TXLNB: variants seen among roughly 807,000 people sequenced by gnomAD.
TXLNB encodes the protein beta-taxilin.
In TXLNB, 37 loss-of-function variants were observed where a neutral mutation model predicts 57.4. That is an observed-to-expected ratio of 0.64 (90% CI 0.50 to 0.85). TXLNB has a LOEUF of 0.85. Ranked by LOEUF, TXLNB falls within the 40% of genes least tolerant of loss-of-function variation. TXLNB has a pLI of 0.00. For missense variants in TXLNB, 848 were observed against 825.6 expected (o/e 1.03, Z -0.33); for synonymous variants, 302 against 309.6 (o/e 0.98, Z 0.26).
the TXLNB span, among the ~76,000 whole-genome samples, chr6:139,322,147 T>C: frequency 6.6e-6 from 1 of 152,262 alleles, no homozygotes; most frequent in Non-Finnish European, 1.5e-5. Context: ...TCACAGCCTA[T>C]TGACATCTCT....
At chr6:139,256,935 A>C (rs1336603136) in intron 6 of TXLNB, among the ~76,000 whole-genome samples, 1 of 152,220 alleles carries the variant, frequency 6.6e-6, no homozygotes, top group East Asian at 1.9e-4. Flanking sequence ...AGTTTGACCT[A>C]TTGGTCTAAA....
rs772213744 is a variant in TXLNB, at chr6:139,260,407, G to T, written c.913C>A (p.Leu305Met). ...HLDKIFKHRE[L>M]QQKLVDAKLE... ...TTTGCATCCACCAGCTTCTGCTGCA[G>T]TTCTCTGTGTTTAAATATTTTGTCC... Residue 305 changes from leucine to methionine, a missense_variant, in exon 6 of 10, where the codon CTG becomes ATG. Physicochemically the swap from Leu to Met is conservative, Grantham distance 15 (BLOSUM62 2). Coordinates refer to ENST00000358430, the MANE Select transcript of TXLNB (RefSeq NM_153235.4). 6.2e-7 allele frequency: 1 copy of T among 1,614,044 alleles called. No individual in the cohort carries two copies. The highest frequency in any genetic ancestry group is 8.5e-7 in the Non-Finnish European group (1 of 1,179,992).
the TXLNB span, among the ~76,000 whole-genome samples, chr6:139,206,583 G>T: frequency 1.3e-5 from 2 of 151,834 alleles, no homozygotes; most frequent in Non-Finnish European, 2.9e-5. Flanking sequence ...CAGGAGAATC[G>T]CTTCAACCCA....
At chr6:139,185,687 C>T in the TXLNB span, among the ~76,000 whole-genome samples, 5 of 152,098 alleles carry the variant, frequency 3.3e-5, no homozygotes, top group Admixed American at 1.3e-4. Context: ...GGCGACAGAG[C>T]GAGACTCTGT....
intron 7 of TXLNB, among the ~76,000 whole-genome samples, chr6:139,249,520 A>C (rs147808966): frequency 1.3e-5 from 2 of 152,186 alleles, no homozygotes; most frequent in African/African-American, 4.8e-5. Context: ...AGCTGGAAGG[A>C]AGGCACCGAC....
chr6:139,264,561 T>G (rs1258295167), intron 4 of TXLNB, among the ~76,000 whole-genome samples: 1 of 152,046 alleles, frequency 6.6e-6, no homozygotes, highest in Non-Finnish European at 1.5e-5. Flanking sequence ...TTGTTTTGTT[T>G]TGTTTTGTTT....
chr6:139,264,942 ATT>A (rs1776577003), intron 4 of TXLNB, among the ~76,000 whole-genome samples: 1 of 152,228 alleles, frequency 6.6e-6, no homozygotes, highest in East Asian at 1.9e-4. Flanking sequence ...ATTTTCAATC[ATT>A]TGGACAGTGT....
At chr6:139,302,791 A>T in the TXLNB span, among the ~76,000 whole-genome samples, 9 of 152,222 alleles carry the variant, frequency 5.9e-5, no homozygotes, top group African/African-American at 2.2e-4. Flanking sequence ...TCTTGAAAAA[A>T]AGAAAAAAGA....
intron 7 of TXLNB, among the ~76,000 whole-genome samples, chr6:139,255,069 G>A (rs922587127): frequency 4.6e-5 from 7 of 152,116 alleles, no homozygotes; most frequent in African/African-American, 1.2e-4. Context: ...CGATCCGCCC[G>A]CCTGGGCCTC....
At chr6:139,323,400 A>T in the TXLNB span, among the ~76,000 whole-genome samples, 7 of 150,496 alleles carry the variant, frequency 4.7e-5, no homozygotes, top group African/African-American at 1.7e-4. Flanking sequence ...CTCCTGCCTC[A>T]GCCTCCCGAG....
the TXLNB span, among the ~76,000 whole-genome samples, chr6:139,220,794 A>G: frequency 2.6e-5 from 4 of 152,210 alleles, no homozygotes; most frequent in East Asian, 7.7e-4. Flanking sequence ...AGCTAAAATA[A>G]CAAACCTGGT....
the TXLNB span, among the ~76,000 whole-genome samples, chr6:139,311,497 A>AT: frequency 1.0e-4 from 3 of 30,110 alleles, no homozygotes; most frequent in African/African-American, 1.4e-4. Context: ...ACTTTGTGAT[A>AT]TTTTTTGGGG....
chr6:139,195,795 CTTGAG>C, the TXLNB span, among the ~76,000 whole-genome samples: 10 of 152,240 alleles, frequency 6.6e-5, no homozygotes, highest in Admixed American at 3.9e-4. Context: ...TGTATGCTAA[CTTGAG>C]TTATTTCCTT....
rs1024972486 is a variant in TXLNB, at chr6:139,288,981, T to C, written c.-14-68A>G. The C allele has an allele frequency of 6.7e-6, 8 of 1,186,938 alleles. No individual in the cohort carries two copies. The African/African-American group carries it at 1.2e-4, about 18-fold the overall frequency. 73.5% of individuals were successfully genotyped at this position (1,186,938 alleles called of 1,614,324 possible). A position where few individuals can be genotyped will look rare whatever the true frequency, so the allele number is the denominator to read the frequency against. On this transcript the variant is annotated intron_variant, in intron 1 of 9. Transcript: ENST00000358430. ...GCTACATATCAATGCTACATTTCAATGGTAAGGATATCCCCCAAGTGAATA... is the reference window on the plus strand; with the variant it reads ...GCTACATATCAATGCTACATTTCAACGGTAAGGATATCCCCCAAGTGAATA...
At chr6:139,213,213 C>G in the TXLNB span, among the ~76,000 whole-genome samples, 1 of 152,158 alleles carries the variant, frequency 6.6e-6, no homozygotes, top group Admixed American at 6.5e-5. Context: ...CCAAAATTGA[C>G]CACATAGTTG....
At chr6:139,171,241 G>A in the TXLNB span, among the ~76,000 whole-genome samples, 1 of 152,164 alleles carries the variant, frequency 6.6e-6, no homozygotes, top group Admixed American at 6.5e-5. Flanking sequence ...GAAAAAAAAG[G>A]AAGGAGGATA....
At chr6:139,193,842 T>TATATA in the TXLNB span, among the ~76,000 whole-genome samples, 30 of 45,710 alleles carry the variant, frequency 6.6e-4, no homozygotes, top group African/African-American at 1.9e-3. Flanking sequence ...ATATATATAT[T>TATATA]TTTTTTTTTT....
chr6:139,192,103 T>C, the TXLNB span, among the ~76,000 whole-genome samples: 3 of 152,246 alleles, frequency 2.0e-5, no homozygotes, highest in Admixed American at 6.5e-5. Context: ...ACAGTACTAA[T>C]TGGATTATTC....
the TXLNB span, among the ~76,000 whole-genome samples, chr6:139,301,536 T>C: frequency 0.013 from 1,924 of 152,232 alleles, 52 homozygotes; most frequent in African/African-American, 0.044. Context: ...CTTCTATAGA[T>C]GGTCTGGAAA....
Sources: gnomAD v4.1 joint callset for allele counts (sites outside exome capture counted in the v4.1 genomes callset) on GRCh38, gnomAD v4.1.1 for gene constraint, MANE v1.5 for transcripts, NCBI Gene and HGNC (gene_info 2026-07-23, HGNC 2026-07-21) for gene names.